Variants in ENOX1 observed in about 807,000 individuals in gnomAD.
The protein encoded by ENOX1 is ecto-NOX disulfide-thiol exchanger 1.
ENOX1 carries 42 observed loss-of-function variants against 82.5 expected under a neutral mutation model. The ratio of observed to expected loss-of-function variants is 0.51; its 90% CI spans 0.40 to 0.66. ENOX1 has a LOEUF of 0.66. Among genes scored for constraint, ENOX1 ranks in the 30% least tolerant of loss-of-function variants. ENOX1 has a pLI of 0.00. For missense variants in ENOX1, 608 were observed against 811.6 expected (o/e 0.75, Z 3.05); for synonymous variants, 271 against 282.2 (o/e 0.96, Z 0.40).
chr13:43,511,512 T>G (rs996088960), intron 2 of ENOX1, among the ~76,000 whole-genome samples: 6 of 152,102 alleles, frequency 3.9e-5, no homozygotes, highest in Non-Finnish European at 8.8e-5. Flanking sequence ...TCTAGAACTT[T>G]TAAAAGGCAA....
At chr13:43,401,749 A>G (rs990310111) in intron 5 of ENOX1, among the ~76,000 whole-genome samples, 1 of 152,210 alleles carries the variant, frequency 6.6e-6, no homozygotes, top group Non-Finnish European at 1.5e-5. Flanking sequence ...GCAATATGCC[A>G]GGAAAGAGTT....
In ENOX1 at chr13:43,296,298, T is replaced by C. The variant is rs184150928; in HGVS notation, c.1446+2048A>G. 1.1e-3 allele frequency among the ~76,000 whole-genome samples: 166 copies of C among 152,132 alleles called. 1 individual carries two copies. In the South Asian group the frequency reaches 0.013, roughly 12 times the overall value. On this transcript the variant is annotated intron_variant, in intron 12 of 16. Transcript: ENST00000690772. ...TGGACCCCTAATCCTACATGAACAGTGTATTTATAAAAAGCAGAAATTTGG... is the reference window on the plus strand; with the variant it reads ...TGGACCCCTAATCCTACATGAACAGCGTATTTATAAAAAGCAGAAATTTGG...
At chr13:43,620,371 A>AT (rs1477391581) in intron 2 of ENOX1, among the ~76,000 whole-genome samples, 1 of 151,550 alleles carries the variant, frequency 6.6e-6, no homozygotes, top group Non-Finnish European at 1.5e-5. Context: ...AGTCTTTTTG[A>AT]TGTAGGGGTT....
At chr13:43,516,607 A>G (rs960625395) in intron 2 of ENOX1, among the ~76,000 whole-genome samples, 1 of 152,186 alleles carries the variant, frequency 6.6e-6, no homozygotes, top group Non-Finnish European at 1.5e-5. Flanking sequence ...GCACAAGAAC[A>G]TAGGGAGCAA....
chr13:43,334,069 T>A (rs1359728764), intron 9 of ENOX1, among the ~76,000 whole-genome samples: 1 of 152,206 alleles, frequency 6.6e-6, no homozygotes, highest in African/African-American at 2.4e-5. Flanking sequence ...ACACTCAGAC[T>A]CCAGACCTAC....
At chr13:43,693,718 G>A (rs760127983) in intron 1 of ENOX1, among the ~76,000 whole-genome samples, 4 of 152,124 alleles carry the variant, frequency 2.6e-5, no homozygotes, top group Non-Finnish European at 5.9e-5. Flanking sequence ...CAGGTTACCA[G>A]GACATGTTGC....
chr13:43,446,584 C>G (rs536651049), intron 3 of ENOX1, among the ~76,000 whole-genome samples: 1 of 152,326 alleles, frequency 6.6e-6, no homozygotes, highest in East Asian at 1.9e-4. Context: ...AACTGGCTAC[C>G]TCTCTATGCC....
intron 5 of ENOX1, among the ~76,000 whole-genome samples, chr13:43,409,277 A>G (rs944293870): frequency 1.3e-5 from 2 of 152,200 alleles, no homozygotes; most frequent in Non-Finnish European, 2.9e-5. Context: ...CTTAACAAGA[A>G]ACTTGAAAAT....
At chr13:43,266,535 G>C (rs1008638894) in intron 13 of ENOX1, among the ~76,000 whole-genome samples, 10 of 152,088 alleles carry the variant, frequency 6.6e-5, no homozygotes, top group African/African-American at 9.7e-5. Flanking sequence ...TGGACCAAAG[G>C]CTCTTTGGCT....
At chr13:43,577,539 C>T (rs1187780477) in intron 2 of ENOX1, among the ~76,000 whole-genome samples, 1 of 152,158 alleles carries the variant, frequency 6.6e-6, no homozygotes, top group East Asian at 1.9e-4. Flanking sequence ...ACACTGTGTC[C>T]TCATGTGGCG....
intron 5 of ENOX1, among the ~76,000 whole-genome samples, chr13:43,362,997 G>A (rs2050626555): frequency 6.6e-6 from 1 of 152,114 alleles, no homozygotes; most frequent in Admixed American, 6.5e-5. Flanking sequence ...TGACATTCTA[G>A]GTACTTCCTC....
intron 1 of ENOX1, among the ~76,000 whole-genome samples, chr13:43,784,861 A>G (rs1952476799): frequency 6.6e-6 from 1 of 152,268 alleles, no homozygotes; most frequent in African/African-American, 2.4e-5. Flanking sequence ...CACAACATCA[A>G]AACAGCCTGA....
At chr13:43,328,492 GTGTT>G (rs2048241093) in intron 9 of ENOX1, among the ~76,000 whole-genome samples, 1 of 152,218 alleles carries the variant, frequency 6.6e-6, no homozygotes, top group Non-Finnish European at 1.5e-5. Context: ...TTGAGACTGA[GTGTT>G]TGGTTGGTAA....
intron 1 of ENOX1, among the ~76,000 whole-genome samples, chr13:43,683,277 G>A (rs1341313859): frequency 6.6e-6 from 1 of 152,088 alleles, no homozygotes; most frequent in Non-Finnish European, 1.5e-5. Context: ...ATTGCCTTTC[G>A]ATATCCCATG....
At chr13:43,385,887 C>T (rs924323971) in intron 5 of ENOX1, among the ~76,000 whole-genome samples, 9 of 152,012 alleles carry the variant, frequency 5.9e-5, no homozygotes, top group South Asian at 2.1e-4. Context: ...TCCTTGGGGC[C>T]GGGCACCGTG....
chr13:43,726,482 G>T (rs562560957), intron 1 of ENOX1, among the ~76,000 whole-genome samples: 1 of 152,046 alleles, frequency 6.6e-6, no homozygotes, highest in Non-Finnish European at 1.5e-5. Context: ...CTCCCAAAGT[G>T]CTGGGATTAT....
chr13:43,510,752 G>A (rs1049939537), intron 2 of ENOX1, among the ~76,000 whole-genome samples: 2 of 152,100 alleles, frequency 1.3e-5, no homozygotes, highest in Non-Finnish European at 2.9e-5. Context: ...TCTTGAGAAA[G>A]TTATTTAACC....
rs962973070 is a variant in ENOX1, at chr13:43,376,554, G to C, written c.209-15102C>G. On this transcript the variant is annotated intron_variant, in intron 5 of 16. Transcript: ENST00000690772. ...AGGAACTTTCAGAGTAAATTAAAGT[G>C]ACAAAAAAGTACTTTAAGTTATTGA... is the stretch of plus-strand genomic sequence containing the variant. Among the ~76,000 whole-genome samples, 6 of 152,038 alleles carry C rather than the reference G, an allele frequency of 3.9e-5. 1 individual carries two copies. The highest frequency in any genetic ancestry group is 1.4e-4 in the African/African-American group (6 of 41,404).
chr13:43,484,068 T>A lies in ENOX1; in HGVS notation c.-134A>T. ...TTCTCTGGGGACTTGATTGAAACCA[T>A]GTATTCATAAAAGTCTTTTAAATGG... is the stretch of plus-strand genomic sequence containing the variant. On this transcript the variant is annotated 5_prime_UTR_variant, in exon 3 of 17. The change abolishes an upstream ATG in the 5' untranslated region. Transcript: ENST00000690772. The A allele has an allele frequency of 1.0e-6, 1 of 985,416 alleles. No individual in the cohort carries two copies. Among genetic ancestry groups the A allele is most frequent in the Non-Finnish European group, 1.2e-6 (1 of 829,874 alleles). The allele number at this position is 985,416 out of a possible 1,614,324, so 61.0% of individuals were successfully genotyped here.
Sources: gnomAD v4.1 joint callset for allele counts (sites outside exome capture counted in the v4.1 genomes callset) on GRCh38, gnomAD v4.1.1 for gene constraint, MANE v1.5 for transcripts, NCBI Gene and HGNC (gene_info 2026-07-23, HGNC 2026-07-21) for gene names.